ST14: variants seen among roughly 807,000 people sequenced by gnomAD.
ST14 encodes ST14 transmembrane serine protease matriptase.
In ST14, 40 loss-of-function variants were observed where a neutral mutation model predicts 96.5. The ratio of observed to expected loss-of-function variants is 0.41; its 90% confidence interval spans 0.32 to 0.54. The LOEUF is 0.54. ST14 is among the 20% of genes least tolerant of loss of function. The probability of loss-of-function intolerance (pLI) is 0.17; values close to 1 mark genes in which losing one functional copy is unlikely to be tolerated. For synonymous variants in ST14, 506 were observed against 492.1 expected (o/e 1.03, Z -0.37); for missense variants, 1,066 against 1,188.9 (o/e 0.90, Z 1.52).
At chr11:130,176,677 C>T (rs956412119) in intron 1 of ST14, among the ~76,000 whole-genome samples, 5 of 151,950 alleles carry the variant, frequency 3.3e-5, no homozygotes, top group African/African-American at 1.2e-4. Context: ...CTTGAGCCAC[C>T]GCACCCGACC....
At chr11:130,174,788 T>A (rs1953121466) in intron 1 of ST14, among the ~76,000 whole-genome samples, 1 of 152,128 alleles carries the variant, frequency 6.6e-6, no homozygotes, top group Non-Finnish European at 1.5e-5. Flanking sequence ...GCACCCAACA[T>A]CCACTGCCAA....
chr11:130,169,138 A>G (rs1199072858), intron 1 of ST14, among the ~76,000 whole-genome samples: 1 of 122,918 alleles, frequency 8.1e-6, no homozygotes, highest in African/African-American at 3.3e-5. Flanking sequence ...GCTCTGTCCC[A>G]GGCTGGAGTA....
At position 130,188,992 on chromosome 11, in the gene ST14, G is replaced by A; in HGVS notation, c.440+53G>A. ...ATGCACCCCAGACTGGCTGGGAGTA[G>A]GATCGGGGTACAGTGTGTGGGGCAG... On this transcript the variant is annotated intron_variant, in intron 4 of 18. Transcript: ENST00000278742. The surrounding 1 kb of genome is among the most constrained non-coding windows in gnomAD (Gnocchi z 5.4). The A allele has an allele frequency of 1.3e-6, 2 of 1,557,028 alleles. No homozygotes were observed. The highest frequency in any genetic ancestry group is 2.3e-5 in the South Asian group (2 of 85,846).
chr11:130,173,488 C>T (rs931137973), intron 1 of ST14, among the ~76,000 whole-genome samples: 10 of 151,344 alleles, frequency 6.6e-5, no homozygotes, highest in Non-Finnish European at 1.2e-4. Context: ...CCCAGCTACT[C>T]GGGAGGCTGA....
rs1192388375 is a variant in ST14, at chr11:130,187,115, G to C, written c.82-999G>C. 6.6e-6 allele frequency among the ~76,000 whole-genome samples: 1 copy of C among 152,172 alleles called. No individual in the cohort carries two copies. The highest frequency in any genetic ancestry group is 1.5e-5 in the Non-Finnish European group (1 of 68,038). On this transcript the variant is annotated intron_variant, in intron 1 of 18. Coordinates refer to ENST00000278742, the MANE Select transcript of ST14 (RefSeq NM_021978.4). The surrounding 1 kb of genome is among the most constrained non-coding windows in gnomAD (Gnocchi z 4.5). The stretch of plus-strand genomic sequence containing the variant: ...ACCAGAAGAATGACATCAGGAAACT[G>C]TCAAAAGGGCCAACACCTGTGGGTG...
chr11:130,189,311 G>A, intron 4 of ST14: 1 of 449,276 alleles, frequency 2.2e-6, no homozygotes, highest in Non-Finnish European at 4.1e-6. Flanking sequence ...GCATACTTTT[G>A]TAAAAAAATA....
chr11:130,203,608 C>A (rs999966028), intron 16 of ST14, among the ~76,000 whole-genome samples: 8 of 152,352 alleles, frequency 5.3e-5, no homozygotes, highest in African/African-American at 1.7e-4. Flanking sequence ...AGTCCTCATG[C>A]CTTCCCCATG....
intron 4 of ST14, chr11:130,189,301 G>A (rs765432889): frequency 4.9e-5 from 22 of 451,440 alleles, no homozygotes; most frequent in East Asian, 3.4e-4. Flanking sequence ...AGTTTTTCAC[G>A]CATACTTTTG....
chr11:130,167,029 G>C (rs903802382), intron 1 of ST14, among the ~76,000 whole-genome samples: 1 of 152,078 alleles, frequency 6.6e-6, no homozygotes, highest in South Asian at 2.1e-4. Flanking sequence ...TGGCCAACAT[G>C]GTGAAACCCC....
Position 130,199,996 on chromosome 11 carries a change from G to A in ST14, c.1853G>A (p.Gly618Asp), listed in dbSNP as rs771191210. 2.5e-6 allele frequency: 4 copies of A among 1,613,942 alleles called. No individual in the cohort carries two copies. In the African/African-American group the frequency reaches 4.0e-5, roughly 16 times the overall value. ...SFTRQARVVG[G>D]TDADEGEWPW... Reference sequence around the variant, plus strand: ...ACGAGACAGGCTCGTGTTGTTGGGGGCACGGATGCGGATGAGGGCGAGTGG... The same window carrying A: ...ACGAGACAGGCTCGTGTTGTTGGGGACACGGATGCGGATGAGGGCGAGTGG... Residue 618 changes from glycine (G) to aspartate (D), a missense_variant, in exon 16 of 19, where the codon GGC becomes GAC. Gly to Asp is a moderately conservative substitution (Grantham distance 94). Transcript: ENST00000278742.
chr11:130,208,501 C>T lies in ST14; in HGVS notation c.2086C>T (p.Arg696Cys), dbSNP rs1314976809. The T allele has an allele frequency of 5.0e-6, 8 of 1,614,224 alleles. No individual in the cohort carries two copies. The highest frequency in any genetic ancestry group is 1.7e-5 in the Admixed American group (1 of 60,030). Residue 696 changes from arginine (R) to cysteine (C), a missense_variant, in exon 17 of 19, where the codon CGC (arginine) becomes TGC (cysteine). By Grantham distance (180) the Arg-to-Cys change is radical. Transcript: ENST00000278742. ...TGGGGTGCAGGAGCGCAGGCTCAAG[C>T]GCATCATCTCCCACCCCTTCTTCAA... ...APGVQERRLK[R>C]IISHPFFNDF...
At chr11:130,183,455 C>T (rs1023611539) in intron 1 of ST14, among the ~76,000 whole-genome samples, 4 of 151,814 alleles carry the variant, frequency 2.6e-5, no homozygotes, top group African/African-American at 9.7e-5. Flanking sequence ...ACCCTGTAGT[C>T]CCAGCTACTC....
At chr11:130,194,850 G>A (rs1241516618) in intron 9 of ST14, 113 bp downstream of exon 9, 2 of 894,726 alleles carry the variant, frequency 2.2e-6, no homozygotes, top group African/African-American at 2.5e-5. Flanking sequence ...GCATATGTGT[G>A]CATGTGTGTG....
Position 130,198,627 on chromosome 11 carries a change from G to T in ST14, c.1684+6G>T, listed in dbSNP as rs375747959. On this transcript the variant is annotated splice_donor_region_variant and intron_variant, in intron 14 of 18. Transcript: ENST00000278742. ...CGAGGCCTCCTGCCCCAAGGGTGAG[G>T]CCCGCCCCACCCATCTTCCTGTTGG... The T allele has an allele frequency of 8.1e-4, 1,313 of 1,611,216 alleles. 1 individual carries two copies. Among genetic ancestry groups the T allele is most frequent in the Non-Finnish European group, 1.1e-3 (1,279 of 1,178,142 alleles).
intron 1 of ST14, 129 bp downstream of exon 1, chr11:130,160,189 T>A: frequency 1.7e-6 from 1 of 605,224 alleles, no homozygotes; most frequent in Non-Finnish European, 2.4e-6. Flanking sequence ...ACAGGTGGAA[T>A]TTCCTGTTCA....
chr11:130,204,729 G>A (rs1053460694), intron 16 of ST14, among the ~76,000 whole-genome samples: 15 of 152,120 alleles, frequency 9.9e-5, no homozygotes, highest in Non-Finnish European at 5.9e-5. Flanking sequence ...TGGGAGGATC[G>A]CTTGAGTCTG....
At chr11:130,177,910 G>A (rs116691770) in intron 1 of ST14, among the ~76,000 whole-genome samples, 2 of 152,234 alleles carry the variant, frequency 1.3e-5, no homozygotes, top group Admixed American at 6.5e-5. Flanking sequence ...TGAGCGGTGC[G>A]AGGTCCTAAC....
At chr11:130,194,521 G>A (rs1953337957) in intron 8 of ST14, 119 bp from the exon 9 acceptor site, 2 of 1,192,912 alleles carry the variant, frequency 1.7e-6, no homozygotes, top group Admixed American at 3.9e-5. Flanking sequence ...CTGTGCACCT[G>A]CTGTGCAGCA....
At chr11:130,182,999 C>A (rs12794704) in intron 1 of ST14, among the ~76,000 whole-genome samples, 1 of 151,552 alleles carries the variant, frequency 6.6e-6, no homozygotes, top group African/African-American at 2.4e-5. Context: ...TCTTGTTGCC[C>A]AGGCTGGAGT....
Sources: allele counts gnomAD v4.1 joint callset (sites outside exome capture counted in the v4.1 genomes callset), GRCh38; gene constraint gnomAD v4.1.1; non-coding constraint Gnocchi (gnomAD v3.1); transcripts MANE v1.5; gene names NCBI Gene and HGNC (gene_info 2026-07-23, HGNC 2026-07-21).